The following LRP1B variants were observed in gnomAD, a reference collection of about 807,000 sequenced individuals.
The protein encoded by LRP1B is LDL receptor related protein 1B, also known as low-density lipoprotein receptor-related protein 1B.
Under a neutral mutation model 556.6 loss-of-function variants are expected in LRP1B, and 217 were observed. The ratio of observed to expected loss-of-function variants is 0.39; its 90% CI spans 0.35 to 0.44. The LOEUF (loss-of-function observed/expected upper bound fraction) is 0.44, where lower values mean the gene tolerates loss of function less well. Ranked by LOEUF, LRP1B falls within the 20% of genes least tolerant of loss-of-function variation. The probability of loss-of-function intolerance (pLI) is 1.00; values close to 1 mark genes in which losing one functional copy is unlikely to be tolerated. For missense variants in LRP1B, 5,053 were observed against 5,620.8 expected, an observed-to-expected ratio of 0.90 and a Z score of 3.23; for synonymous variants, 2,047 against 1,865.8, an observed-to-expected ratio of 1.10 and a Z score of -2.50.
chr2:141,937,434 GAAGA>G (rs1700668923), intron 1 of LRP1B, among the ~76,000 whole-genome samples: 1 of 151,326 alleles, frequency 6.6e-6, no homozygotes, highest in Non-Finnish European at 1.5e-5. Context: ...AACATGTACT[GAAGA>G]AAATTAAAGA....
At chr2:142,010,970 A>C (rs1279677888) in intron 1 of LRP1B, among the ~76,000 whole-genome samples, 1 of 152,200 alleles carries the variant, frequency 6.6e-6, no homozygotes, top group Non-Finnish European at 1.5e-5. Flanking sequence ...TTTTGACAAT[A>C]AGGTTAAAAT....
intron 1 of LRP1B, among the ~76,000 whole-genome samples, chr2:141,868,605 G>A (rs894164431): frequency 6.6e-6 from 1 of 152,166 alleles, no homozygotes; most frequent in African/African-American, 2.4e-5. Context: ...TTGGGGGAAA[G>A]TGCTGACCTG....
At chr2:141,575,472 A>G (rs1686703472) in intron 2 of LRP1B, among the ~76,000 whole-genome samples, 1 of 152,236 alleles carries the variant, frequency 6.6e-6, no homozygotes, top group Non-Finnish European at 1.5e-5. Context: ...AAAGACTTAA[A>G]TGTAAAACCC....
At chr2:141,474,000 A>ATTCCTTCCTTCCTTCCTTCCTTCCTTCC (rs70994427) in intron 3 of LRP1B, among the ~76,000 whole-genome samples, 1 of 130,516 alleles carries the variant, frequency 7.7e-6, no homozygotes, top group South Asian at 2.8e-4. Flanking sequence ...GCTTTACTAA[A>ATTCCTTCCTTCCTTCCTTCCTTCCTTCC]TTCCTTCCTT....
At chr2:140,798,711 G>A (rs1690404776) in intron 32 of LRP1B, among the ~76,000 whole-genome samples, 2 of 152,162 alleles carry the variant, frequency 1.3e-5, no homozygotes, top group South Asian at 2.1e-4. Flanking sequence ...GATGACAGTA[G>A]CAACCCCCTT....
chr2:140,866,816 G>T lies in LRP1B; in HGVS notation c.4579+774C>A, dbSNP rs528763282. ...CTATAATACAAATTTTAAAAATAAG[G>T]CTCGATGTGTGGAACAAATGCCCTA... On this transcript the variant is annotated intron_variant, in intron 27 of 90. Transcript: ENST00000389484. Among the ~76,000 whole-genome samples the T allele has an allele frequency of 4.6e-5, 7 of 152,036 alleles. No homozygotes were observed. The South Asian group carries it at 1.2e-3, about 27-fold the overall frequency.
At chr2:141,575,547 A>C (rs933462869) in intron 2 of LRP1B, among the ~76,000 whole-genome samples, 1 of 152,326 alleles carries the variant, frequency 6.6e-6, no homozygotes, top group Non-Finnish European at 1.5e-5. Flanking sequence ...ATGGGCAAAG[A>C]CTTCATGACA....
intron 66 of LRP1B, among the ~76,000 whole-genome samples, chr2:140,436,118 T>A (rs1686170004): frequency 6.6e-6 from 1 of 152,036 alleles, no homozygotes; most frequent in Non-Finnish European, 1.5e-5. Flanking sequence ...ACATGATATA[T>A]CAAAAATTTT....
intron 3 of LRP1B, among the ~76,000 whole-genome samples, chr2:141,426,725 T>G (rs1680378347): frequency 6.6e-6 from 1 of 152,156 alleles, no homozygotes; most frequent in Admixed American, 6.6e-5. Flanking sequence ...TATTTGTTAT[T>G]TATTTAGGTA....
chr2:142,063,661 G>A (rs568474170), intron 1 of LRP1B, among the ~76,000 whole-genome samples: 1 of 151,500 alleles, frequency 6.6e-6, no homozygotes, highest in Non-Finnish European at 1.5e-5. Flanking sequence ...TTTAAACACT[G>A]TTTAATACCT....
At chr2:141,406,404 C>T (rs1412486427) in intron 3 of LRP1B, among the ~76,000 whole-genome samples, 1 of 151,896 alleles carries the variant, frequency 6.6e-6, no homozygotes, top group East Asian at 1.9e-4. Context: ...CTATCTCAGG[C>T]AAGGAACATA....
In LRP1B at chr2:140,541,936, A is replaced by G; in HGVS notation, c.7230T>C (p.Ser2410=). The change falls in exon 44 of 91, where the codon AGT becomes AGC. Residue 2410 remains serine (S), a synonymous_variant. Coordinates refer to ENST00000389484, the MANE Select transcript of LRP1B (RefSeq NM_018557.3). ...IVKSGPGTFL[S]LAVYDNYIFW... Reference sequence around the variant, plus strand: ...ATATATAATTGTCATAAACAGCCAAACTGAGGAAAGTCCCTGGCCCAGATT... The same window carrying G: ...ATATATAATTGTCATAAACAGCCAAGCTGAGGAAAGTCCCTGGCCCAGATT... 6.2e-7 allele frequency: 1 copy of G among 1,609,548 alleles called. No homozygotes were observed.
intron 2 of LRP1B, among the ~76,000 whole-genome samples, chr2:141,686,797 G>A (rs901414737): frequency 6.6e-6 from 1 of 151,954 alleles, no homozygotes; most frequent in African/African-American, 2.4e-5. Context: ...AGATTAAAGG[G>A]TTAATGGGTT....
At chr2:142,032,461 C>T (rs765068602) in intron 1 of LRP1B, among the ~76,000 whole-genome samples, 7 of 151,720 alleles carry the variant, frequency 4.6e-5, no homozygotes, top group African/African-American at 1.5e-4. Flanking sequence ...GAGAGAGTGA[C>T]GAATACTTGC....
chr2:141,813,344 A>T (rs920027356), intron 1 of LRP1B, among the ~76,000 whole-genome samples: 18 of 152,142 alleles, frequency 1.2e-4, no homozygotes, highest in African/African-American at 4.3e-4. Flanking sequence ...CATTTTAAAT[A>T]GGTGGTCAGA....
rs191815260 is a variant in LRP1B, at chr2:141,830,249, A to T, written c.83-19848T>A. On this transcript the variant is annotated intron_variant, in intron 1 of 90. Coordinates refer to ENST00000389484, the MANE Select transcript of LRP1B (RefSeq NM_018557.3). ...TAAAAATACAGCATTTGGTAACAGGACTCACTCCCAGTGGCTATCTAACAT... is the reference window on the plus strand; with the variant it reads ...TAAAAATACAGCATTTGGTAACAGGTCTCACTCCCAGTGGCTATCTAACAT... Among the ~76,000 whole-genome samples the T allele has an allele frequency of 2.0e-4, 31 of 151,880 alleles. No individual in the cohort carries two copies. The East Asian group carries it at 6.0e-3, about 29-fold the overall frequency.
intron 84 of LRP1B, among the ~76,000 whole-genome samples, chr2:140,282,943 C>T (rs1682976812): frequency 6.6e-6 from 1 of 151,816 alleles, no homozygotes; most frequent in East Asian, 1.9e-4. Context: ...GCCGAGAAAT[C>T]ACAAAGTAAG....
chr2:140,525,261 CAAAT>C (rs1305692075), intron 49 of LRP1B, among the ~76,000 whole-genome samples: 1 of 151,484 alleles, frequency 6.6e-6, no homozygotes, highest in Non-Finnish European at 1.5e-5. Context: ...TTCATGTCCT[CAAAT>C]AGAAAGAAAC....
intron 6 of LRP1B, among the ~76,000 whole-genome samples, chr2:141,225,493 C>T (rs1683211242): frequency 6.6e-6 from 1 of 152,044 alleles, no homozygotes; most frequent in Admixed American, 6.6e-5. Flanking sequence ...GTATCTGTGT[C>T]CTTACCACAG....
Sources: allele counts gnomAD v4.1 joint callset (sites outside exome capture counted in the v4.1 genomes callset), GRCh38; gene constraint gnomAD v4.1.1; transcripts MANE v1.5; gene names NCBI Gene and HGNC (gene_info 2026-07-23, HGNC 2026-07-21).